MRPL45: variants seen among roughly 807,000 people sequenced by gnomAD.
MRPL45 encodes mitochondrial ribosomal protein L45.
MRPL45 carries 20 observed loss-of-function variants against 38.1 expected under a neutral mutation model. That is an observed-to-expected ratio of 0.53 (90% CI 0.37 to 0.76). MRPL45 has a LOEUF of 0.76. Among genes scored for constraint, MRPL45 ranks in the 30% least tolerant of loss-of-function variants. The pLI, the probability that MRPL45 is intolerant of heterozygous loss-of-function variation, is 0.00. For synonymous variants in MRPL45, 105 were observed against 128.8 expected (o/e 0.82, Z 1.25); for missense variants, 337 against 395.6 (o/e 0.85, Z 1.26).
chr17:38,297,191 C>G lies in MRPL45; in HGVS notation c.8C>G (p.Ala3Gly). The G allele has an allele frequency of 1.2e-6, 2 of 1,614,222 alleles. No individual in the cohort carries two copies. Among genetic ancestry groups the G allele is most frequent in the East Asian group, 2.2e-5 (1 of 44,882 alleles). Residue 3 changes from alanine to glycine, a missense_variant, in exon 1 of 8, where the codon GCC becomes GGC. Around this residue, in one of 3 missense-constraint regions of MRPL45, gnomAD observed 26 missense variants for 16.9 expected, o/e 1.54. Transcript: ENST00000613675. MA[A>G]PIPQGFSCLS... is the part of the protein sequence containing the mutation. ...GGCCTTTGCGGGAACAAGATGGCAG[C>G]CCCCATACCTCAAGGGTTCTCTTGT... is the stretch of plus-strand genomic sequence containing the variant.
rs2036968692 is a variant in MRPL45, at chr17:38,299,383, G to A, written c.277G>A (p.Gly93Ser). ...ATTTGATGCCTATGTTCCTCCTGAG[G>A]GTGATGCACGCATATCATCTCTTTC... ...GIFDAYVPPEGDARISSLSKE... is the reference protein window; with the variant it reads ...GIFDAYVPPESDARISSLSKE... Residue 93 changes from glycine (G) to serine (S), a missense_variant, in exon 3 of 8, where the codon GGT becomes AGT. By Grantham distance (56) the Gly-to-Ser change is moderately conservative. Coordinates refer to ENST00000613675, the MANE Select transcript of MRPL45 (RefSeq NM_032351.6). The A allele has an allele frequency of 1.9e-6, 3 of 1,610,316 alleles. No homozygotes were observed. The African/African-American group carries it at 4.0e-5, about 22-fold the overall frequency.
chr17:38,302,023 C>T (rs898995759), intron 3 of MRPL45, among the ~76,000 whole-genome samples: 6 of 143,762 alleles, frequency 4.2e-5, no homozygotes, highest in Non-Finnish European at 6.0e-5. Context: ...AGGCTGAGGC[C>T]GGAGAATGGT....
chr17:38,300,602 A>G (rs1489128900), intron 3 of MRPL45, among the ~76,000 whole-genome samples: 1 of 152,124 alleles, frequency 6.6e-6, no homozygotes, highest in Non-Finnish European at 1.5e-5. Flanking sequence ...GTGCATAAGT[A>G]TATTGAGTCA....
chr17:38,306,641 C>A lies in MRPL45; in HGVS notation c.461+10C>A. On this transcript the variant is annotated intron_variant, in intron 4 of 7. Transcript: ENST00000613675. ...ACCTTTGTCTAAATAAGTAAGTGAA[C>A]TCCCTATCTTTACCCATTCTGTTCT... 6.2e-7 allele frequency: 1 copy of A among 1,613,408 alleles called. No individual in the cohort carries two copies. Among genetic ancestry groups the A allele is most frequent in the South Asian group, 1.1e-5 (1 of 90,852 alleles).
intron 3 of MRPL45, among the ~76,000 whole-genome samples, chr17:38,300,609 G>A (rs2036984288): frequency 1.3e-5 from 2 of 152,092 alleles, no homozygotes; most frequent in South Asian, 4.1e-4. Context: ...AGTATATTGA[G>A]TCAGTATGAA....
intron 4 of MRPL45, among the ~76,000 whole-genome samples, chr17:38,315,025 C>T (rs1335473841): frequency 6.6e-6 from 1 of 152,172 alleles, no homozygotes; most frequent in Non-Finnish European, 1.5e-5. Flanking sequence ...CCCATTACAT[C>T]AATTCATAAT....
Position 38,320,687 on chromosome 17 carries a change from G to A in MRPL45, c.580G>A (p.Val194Ile). Residue 194 changes from valine to isoleucine, a missense_variant, in exon 6 of 8, where the codon GTT becomes ATT. Transcript: ENST00000613675. ...TGTGGAATCTTTAGAGCCCTCTCAT[G>A]TTGTTCAAGTTCGCTGTTCAAGTAT... ...SFVESLEPSH[V>I]VQVRCSSMMN... The A allele has an allele frequency of 1.9e-6, 3 of 1,614,172 alleles. No individual in the cohort carries two copies. Among genetic ancestry groups the A allele is most frequent in the Non-Finnish European group, 2.5e-6 (3 of 1,180,040 alleles).
intron 4 of MRPL45, among the ~76,000 whole-genome samples, chr17:38,308,432 T>G (rs943303360): frequency 1.7e-3 from 8 of 4,690 alleles, no homozygotes; most frequent in Admixed American, 4.5e-3. Flanking sequence ...AAAACATTGT[T>G]TTTTTTTTTG....
intron 4 of MRPL45, among the ~76,000 whole-genome samples, chr17:38,315,566 G>A (rs1429113904): frequency 6.6e-6 from 1 of 151,944 alleles, no homozygotes; most frequent in Non-Finnish European, 1.5e-5. Context: ...GCTGTGCCCA[G>A]CCTATTGCCA....
In MRPL45 at chr17:38,322,137, C is replaced by T; in HGVS notation, c.672C>T (p.Ile224=). 3 of 1,614,066 alleles carry T rather than the reference C, an allele frequency of 1.9e-6. No homozygotes were observed. The highest frequency in any genetic ancestry group is 2.5e-6 in the Non-Finnish European group (3 of 1,179,982). Residue 224 remains isoleucine (I), a synonymous_variant, in exon 7 of 8, where the codon ATC becomes ATT. Transcript: ENST00000613675. ...VRMHTRQTLA[I]YDRFGRLMYG... is the part of the protein sequence containing the mutation. ...TTTTATCCTTGCAGACTCTGGCCAT[C>T]TATGACCGGTTTGGCCGGTTGATGT...
At position 38,322,789 on chromosome 17, in the gene MRPL45, T is replaced by A; in HGVS notation, c.*194T>A. On this transcript the variant is annotated 3_prime_UTR_variant, in exon 8 of 8. Transcript: ENST00000613675. ...GCAGGTGGCAGGTATAACATGGCCA[T>A]GGACACTCTTCTTTTTTAAATTTTA... 1.8e-6 allele frequency: 1 copy of A among 557,442 alleles called. No individual in the cohort carries two copies. Among genetic ancestry groups the A allele is most frequent in the Non-Finnish European group, 3.2e-6 (1 of 315,854 alleles). 34.5% of individuals were successfully genotyped at this position (557,442 alleles called of 1,614,324 possible).
intron 4 of MRPL45, among the ~76,000 whole-genome samples, chr17:38,311,475 C>T (rs1293197033): frequency 1.3e-5 from 2 of 152,072 alleles, no homozygotes; most frequent in Non-Finnish European, 2.9e-5. Flanking sequence ...ATCACGAGGT[C>T]AAGAGATCGA....
At chr17:38,308,602 G>A (rs1167384367) in intron 4 of MRPL45, among the ~76,000 whole-genome samples, 2 of 151,640 alleles carry the variant, frequency 1.3e-5, no homozygotes, top group East Asian at 1.9e-4. Flanking sequence ...CACCACACCT[G>A]ACTATTTTCT....
At chr17:38,302,879 C>A (rs1318210187) in intron 3 of MRPL45, among the ~76,000 whole-genome samples, 1 of 149,552 alleles carries the variant, frequency 6.7e-6, no homozygotes, top group Non-Finnish European at 1.5e-5. Flanking sequence ...TGTGCGCCAC[C>A]ATGCCCCACT....
intron 5 of MRPL45, among the ~76,000 whole-genome samples, chr17:38,318,997 T>TTTATTTA (rs2037203446): frequency 1.6e-5 from 2 of 127,452 alleles, no homozygotes; most frequent in African/African-American, 3.3e-5. Context: ...CCAGCTAATT[T>TTTATTTA]TTTATTTATT....
At chr17:38,309,846 C>G (rs1234522727) in intron 4 of MRPL45, among the ~76,000 whole-genome samples, 1 of 151,966 alleles carries the variant, frequency 6.6e-6, no homozygotes, top group Non-Finnish European at 1.5e-5. Flanking sequence ...AATTCTCAGT[C>G]AGAACTCATC....
chr17:38,300,674 C>G (rs566793860), intron 3 of MRPL45, among the ~76,000 whole-genome samples: 1 of 151,918 alleles, frequency 6.6e-6, no homozygotes, highest in African/African-American at 2.4e-5. Context: ...TGGCTGGGTG[C>G]GGTGGCTCAC....
Position 38,313,838 on chromosome 17 carries a change from G to T in MRPL45, c.462-4849G>T, listed in dbSNP as rs534508118. Among the ~76,000 whole-genome samples the T allele has an allele frequency of 9.3e-5, 14 of 150,318 alleles. No homozygotes were observed. The East Asian group carries it at 2.4e-3, about 26-fold the overall frequency. On this transcript the variant is annotated intron_variant, in intron 4 of 7. Coordinates refer to ENST00000613675, the MANE Select transcript of MRPL45 (RefSeq NM_032351.6). ...CCACCATGCCCAGCTAATTTTTGTAGTTTTAGTAGAGACGGGGTTTCACCA... is the reference window on the plus strand; with the variant it reads ...CCACCATGCCCAGCTAATTTTTGTATTTTTAGTAGAGACGGGGTTTCACCA...
intron 4 of MRPL45, among the ~76,000 whole-genome samples, chr17:38,311,196 C>G (rs1345037401): frequency 1.3e-5 from 2 of 152,146 alleles, no homozygotes; most frequent in Non-Finnish European, 2.9e-5. Context: ...CCCTTATCAC[C>G]TGGTAACCTC....
Sources: gnomAD v4.1 joint callset for allele counts (sites outside exome capture counted in the v4.1 genomes callset) on GRCh38, gnomAD v4.1.1 for gene constraint, gnomAD v4.1.1 regional missense constraint, MANE v1.5 for transcripts, NCBI Gene and HGNC (gene_info 2026-07-23, HGNC 2026-07-21) for gene names.